PALM2AKAP2: variants seen among roughly 807,000 people sequenced by gnomAD.
The protein encoded by PALM2AKAP2 is PALM2 and AKAP2 fusion.
In PALM2AKAP2, 37 loss-of-function variants were observed where a neutral mutation model predicts 71.5. The observed-to-expected ratio is 0.52, with a 90% CI of 0.40 to 0.68. The LOEUF (loss-of-function observed/expected upper bound fraction) is 0.68, where lower values mean the gene tolerates loss of function less well. PALM2AKAP2 is among the 30% of genes least tolerant of loss of function. The pLI is 0.00. For synonymous variants in PALM2AKAP2, 468 were observed against 478.8 expected (o/e 0.98, Z 0.29); for missense variants, 1,224 against 1,191.8 (o/e 1.03, Z -0.40).
At chr9:109,806,389 A>G (rs1299021482) in intron 1 of PALM2AKAP2, among the ~76,000 whole-genome samples, 3 of 152,222 alleles carry the variant, frequency 2.0e-5, no homozygotes, top group African/African-American at 7.2e-5. Flanking sequence ...TCTATGTTAT[A>G]GATATATTTG....
At chr9:109,706,283 G>A (rs777420302) in intron 1 of PALM2AKAP2, among the ~76,000 whole-genome samples, 1 of 151,976 alleles carries the variant, frequency 6.6e-6, no homozygotes, top group African/African-American at 2.4e-5. Flanking sequence ...TGATGATGAT[G>A]GTAGCTAGCT....
chr9:109,859,917 A>G (rs1751725236), intron 1 of PALM2AKAP2, among the ~76,000 whole-genome samples: 1 of 152,274 alleles, frequency 6.6e-6, no homozygotes, highest in Admixed American at 6.5e-5. Context: ...GCTTTCAGCT[A>G]CTTATCTACA....
chr9:109,711,978 T>C (rs1455696286), intron 1 of PALM2AKAP2, among the ~76,000 whole-genome samples: 2 of 147,406 alleles, frequency 1.4e-5, no homozygotes, highest in Admixed American at 1.4e-4. Context: ...CATGTGCCTG[T>C]CCTTGTGTGA....
chr9:110,111,086 C>CTTTTTTTTTTTTTTTTTTT (rs34958946), intron 1 of PALM2AKAP2, among the ~76,000 whole-genome samples: 12 of 84,190 alleles, frequency 1.4e-4, no homozygotes, highest in Non-Finnish European at 1.7e-4. Flanking sequence ...TTTCTTTCTT[C>CTTTTTTTTTTTTTTTTTTT]TTTTTTTTTT....
chr9:110,068,793 AAAGTGTTGG>A (rs1325711116), intron 1 of PALM2AKAP2, among the ~76,000 whole-genome samples: 16 of 152,072 alleles, frequency 1.1e-4, no homozygotes, highest in Non-Finnish European at 1.6e-4. Context: ...TTGGCCTCCC[AAAGTGTTGG>A]GATTATAGGC....
At chr9:109,782,477 T>C (rs1175174899) in intron 1 of PALM2AKAP2, among the ~76,000 whole-genome samples, 1 of 152,180 alleles carries the variant, frequency 6.6e-6, no homozygotes, top group Non-Finnish European at 1.5e-5. Flanking sequence ...GTACAGACTT[T>C]TTCTTGTCAC....
At chr9:109,983,447 T>C (rs1832314304) in intron 6 of PALM2AKAP2, among the ~76,000 whole-genome samples, 1 of 152,176 alleles carries the variant, frequency 6.6e-6, no homozygotes, top group South Asian at 2.1e-4. Flanking sequence ...CCTCCTTTTT[T>C]TCCTCTCTCT....
At chr9:109,747,267 C>A (rs1828816878) in intron 1 of PALM2AKAP2, among the ~76,000 whole-genome samples, 1 of 152,124 alleles carries the variant, frequency 6.6e-6, no homozygotes, top group South Asian at 2.1e-4. Context: ...GTCAGGCTAG[C>A]CCCCAGGCCA....
At chr9:109,802,238 T>C (rs964098538) in intron 1 of PALM2AKAP2, among the ~76,000 whole-genome samples, 6 of 152,192 alleles carry the variant, frequency 3.9e-5, no homozygotes, top group African/African-American at 1.4e-4. Flanking sequence ...TAACATGATA[T>C]TGGGTATTGA....
chr9:109,837,957 T>G (rs1010722376), intron 1 of PALM2AKAP2, among the ~76,000 whole-genome samples: 1 of 152,108 alleles, frequency 6.6e-6, no homozygotes, highest in Admixed American at 6.5e-5. Context: ...ACTATCAACA[T>G]TAGACAGATA....
chr9:110,108,077 AT>A (rs34788989), intron 1 of PALM2AKAP2, among the ~76,000 whole-genome samples: 83 of 121,868 alleles, frequency 6.8e-4, no homozygotes, highest in Non-Finnish European at 8.1e-4. Context: ...TTTTGCTGTT[AT>A]TTTTTTTTTT....
intron 1 of PALM2AKAP2, among the ~76,000 whole-genome samples, chr9:109,686,082 A>C (rs1246862188): frequency 6.6e-6 from 1 of 152,204 alleles, no homozygotes; most frequent in Non-Finnish European, 1.5e-5. Flanking sequence ...CAATTTAGTT[A>C]CATCTTCAGA....
chr9:110,121,868 A>T (rs1356059959), intron 1 of PALM2AKAP2, among the ~76,000 whole-genome samples: 2 of 152,122 alleles, frequency 1.3e-5, no homozygotes, highest in Non-Finnish European at 2.9e-5. Flanking sequence ...CCCACTCAAA[A>T]TGAGTTCACC....
intron 3 of PALM2AKAP2, among the ~76,000 whole-genome samples, chr9:109,884,102 T>C (rs547072950): frequency 3.9e-5 from 6 of 152,260 alleles, no homozygotes; most frequent in Admixed American, 1.3e-4. Context: ...GATTGTTGAA[T>C]TGAAAACTGC....
At chr9:109,669,557 G>A (rs1827544180) in intron 1 of PALM2AKAP2, among the ~76,000 whole-genome samples, 1 of 152,014 alleles carries the variant, frequency 6.6e-6, no homozygotes, top group Non-Finnish European at 1.5e-5. Flanking sequence ...GAAATCACTA[G>A]TGAAATGATC....
intron 1 of PALM2AKAP2, among the ~76,000 whole-genome samples, chr9:109,740,711 T>C (rs1052553814): frequency 6.6e-6 from 1 of 152,208 alleles, no homozygotes; most frequent in Non-Finnish European, 1.5e-5. Context: ...TGGAGTGCAG[T>C]GGTGCGATCT....
intron 3 of PALM2AKAP2, among the ~76,000 whole-genome samples, chr9:110,161,666 C>A (rs1836601948): frequency 6.6e-6 from 1 of 152,020 alleles, no homozygotes; most frequent in Non-Finnish European, 1.5e-5. Context: ...TTTAATGGAA[C>A]AACAGGTTAC....
chr9:110,164,564 T>C (rs1220873396), intron 3 of PALM2AKAP2, among the ~76,000 whole-genome samples: 1 of 147,954 alleles, frequency 6.8e-6, no homozygotes, highest in East Asian at 2.0e-4. Context: ...ACCGTCTCAC[T>C]CTGTCACCCA....
intron 1 of PALM2AKAP2, among the ~76,000 whole-genome samples, chr9:109,670,134 G>A (rs968753279): frequency 9.2e-5 from 14 of 151,980 alleles, no homozygotes; most frequent in African/African-American, 3.1e-4. Context: ...AAAAACTTTT[G>A]ATTTCAGGGG....
Sources: allele counts gnomAD v4.1 joint callset (sites outside exome capture counted in the v4.1 genomes callset), GRCh38; gene constraint gnomAD v4.1.1; transcripts MANE v1.5; gene names NCBI Gene and HGNC (gene_info 2026-07-23, HGNC 2026-07-21).